Variants in ANK2 observed in about 807,000 individuals in gnomAD.
The protein encoded by ANK2 is ankyrin 2.
Under a neutral mutation model 360.5 loss-of-function variants are expected in ANK2, and 83 were observed. That is an observed-to-expected ratio of 0.23 (90% CI 0.19 to 0.28). The LOEUF is 0.28. ANK2 is among the 10% of genes least tolerant of loss of function. The probability of loss-of-function intolerance (pLI) is 1.00; values close to 1 mark genes in which losing one functional copy is unlikely to be tolerated. For missense variants in ANK2, 4,201 were observed against 4,795.7 expected, an observed-to-expected ratio of 0.88 and a Z score of 3.66; for synonymous variants, 1,740 against 1,759.5, an observed-to-expected ratio of 0.99 and a Z score of 0.28.
intron 2 of ANK2, among the ~76,000 whole-genome samples, chr4:113,177,135 G>A (rs1002546534): frequency 5.3e-4 from 80 of 152,148 alleles, no homozygotes; most frequent in Middle Eastern, 6.8e-3. Flanking sequence ...GCTGGAGTGC[G>A]GTGGCGTGAT....
intron 1 of ANK2, among the ~76,000 whole-genome samples, chr4:112,822,238 TAAA>T (rs1211981767): frequency 2.3e-5 from 2 of 88,536 alleles, no homozygotes; most frequent in African/African-American, 3.7e-5. Context: ...CTGTCTCTAC[TAAA>T]AAAAAAAAAA....
At chr4:112,961,098 C>A (rs2034593979) in intron 2 of ANK2, among the ~76,000 whole-genome samples, 1 of 147,268 alleles carries the variant, frequency 6.8e-6, no homozygotes, top group African/African-American at 2.5e-5. Flanking sequence ...TTAATAGAGA[C>A]AAATAGGTTA....
chr4:113,232,918 A>G (rs975121790), intron 5 of ANK2, among the ~76,000 whole-genome samples: 3 of 151,938 alleles, frequency 2.0e-5, no homozygotes, highest in African/African-American at 7.3e-5. Context: ...ATTTTTGCTT[A>G]GGCAGATTAA....
chr4:113,198,639 T>G (rs1364533887), intron 3 of ANK2, among the ~76,000 whole-genome samples: 2 of 152,302 alleles, frequency 1.3e-5, no homozygotes, highest in East Asian at 3.9e-4. Flanking sequence ...AACTCAATGT[T>G]TCAGTAAACC....
chr4:112,868,292 C>T lies in ANK2; in HGVS notation c.-39-36163C>T, dbSNP rs114644981. Among the ~76,000 whole-genome samples the T allele has an allele frequency of 8.5e-3, 1,292 of 152,284 alleles. 9 individuals carry two copies. The highest frequency in any genetic ancestry group is 0.013 in the Non-Finnish European group (863 of 68,016). On this transcript the variant is annotated intron_variant, in intron 1 of 30. Coordinates refer to the ANK2 transcript ENST00000503271. ...TTATAATGAACAGAAATTTATTTGG[C>T]ACATAGTTCCAGAGACTAGGAAGTC...
At chr4:113,214,573 G>T (rs1027387060) in intron 4 of ANK2, 36 of 530,500 alleles carry the variant, frequency 6.8e-5, no homozygotes, top group African/African-American at 6.6e-4. Flanking sequence ...GAATTGTTTT[G>T]TCATGGTATT....
intron 1 of ANK2, among the ~76,000 whole-genome samples, chr4:112,860,761 C>T (rs186441613): frequency 1.5e-3 from 226 of 148,558 alleles, no homozygotes; most frequent in African/African-American, 5.4e-3. Context: ...TTTAATATTA[C>T]TTTTTTTTTT....
At chr4:112,726,851 C>CA in the ANK2 span, among the ~76,000 whole-genome samples, 8,795 of 68,792 alleles carry the variant, frequency 0.13, 539 homozygotes, top group African/African-American at 0.19. Context: ...GACTCTGTCT[C>CA]AAAAAAAAAA....
chr4:113,143,056 T>C (rs762400933), intron 1 of ANK2, among the ~76,000 whole-genome samples: 4 of 152,114 alleles, frequency 2.6e-5, no homozygotes, highest in African/African-American at 4.8e-5. Flanking sequence ...ATATTGATAT[T>C]ATGAATTGCG....
chr4:113,372,539 A>G (rs1228111900), intron 43 of ANK2: 2 of 1,534,266 alleles, frequency 1.3e-6, no homozygotes, highest in South Asian at 1.2e-5. Context: ...CCAGGAGCTA[A>G]CAGAGGAATT....
the ANK2 span, among the ~76,000 whole-genome samples, chr4:112,744,032 T>A: frequency 6.6e-6 from 1 of 151,614 alleles, no homozygotes; most frequent in Non-Finnish European, 1.5e-5. Context: ...GAGATGGGGT[T>A]TCGCCATGTT....
intron 22 of ANK2, among the ~76,000 whole-genome samples, chr4:113,300,707 A>C (rs1053018527): frequency 1.3e-5 from 2 of 152,220 alleles, no homozygotes; most frequent in African/African-American, 4.8e-5. Flanking sequence ...TAAATGAGAG[A>C]ATATGTGGAA....
chr4:113,131,322 G>A (rs979019138), intron 1 of ANK2, among the ~76,000 whole-genome samples: 2 of 152,156 alleles, frequency 1.3e-5, no homozygotes, highest in African/African-American at 2.4e-5. Context: ...CTGAAGCATA[G>A]CCTCTGTAAC....
chr4:113,278,807 A>T (rs1381417535), intron 17 of ANK2, among the ~76,000 whole-genome samples: 1 of 152,166 alleles, frequency 6.6e-6, no homozygotes, highest in African/African-American at 2.4e-5. Flanking sequence ...GATGAATCTT[A>T]TTGCTAACAT....
At chr4:112,766,047 T>C in the ANK2 span, among the ~76,000 whole-genome samples, 1 of 152,150 alleles carries the variant, frequency 6.6e-6, no homozygotes, top group Non-Finnish European at 1.5e-5. Context: ...AATAAATATT[T>C]GTTGCAGCTG....
Position 113,362,966 on chromosome 4 carries a change from G to T in ANK2, c.10757-372G>T, listed in dbSNP as rs374620825. Among the ~76,000 whole-genome samples, 13 of 152,156 alleles carry T rather than the reference G, an allele frequency of 8.5e-5. No homozygotes were observed. In the East Asian group the frequency reaches 9.6e-4, roughly 11 times the overall value. On this transcript the variant is annotated intron_variant, in intron 39 of 45. Coordinates refer to ENST00000357077, the MANE Select transcript of ANK2 (RefSeq NM_001148.6). ...ACATCACCTATGTTAATTAAAGGGA[G>T]AAACTTTTTTTCTTTTGTTATCAGT...
At chr4:113,332,134 A>G in intron 28 of ANK2, 64 bp downstream of exon 28, 3 of 1,393,532 alleles carry the variant, frequency 2.2e-6, no homozygotes, top group South Asian at 1.2e-5. Flanking sequence ...CTTCTGCAAT[A>G]TGATTTCTCT....
chr4:113,281,638 T>A (rs774265651), intron 17 of ANK2, among the ~76,000 whole-genome samples: 10 of 152,344 alleles, frequency 6.6e-5, no homozygotes, highest in Non-Finnish European at 1.3e-4. Flanking sequence ...GAAAAGCCAC[T>A]GTTTTTAATT....
At chr4:113,277,297 AGT>A (rs1377518966) in intron 15 of ANK2, among the ~76,000 whole-genome samples, 3 of 152,242 alleles carry the variant, frequency 2.0e-5, no homozygotes, top group Non-Finnish European at 4.4e-5. Flanking sequence ...GCTTTTTAAT[AGT>A]ACATGTTTTT....
Sources: gnomAD v4.1 joint callset for allele counts (sites outside exome capture counted in the v4.1 genomes callset) on GRCh38, gnomAD v4.1.1 for gene constraint, MANE v1.5 for transcripts, NCBI Gene and HGNC (gene_info 2026-07-23, HGNC 2026-07-21) for gene names.